CYB5D2: variants seen among roughly 807,000 people sequenced by gnomAD.
CYB5D2 encodes the protein neuferricin.
Under a neutral mutation model 22.8 loss-of-function variants are expected in CYB5D2, and 23 were observed. That is an observed-to-expected ratio of 1.01 (90% CI 0.73 to 1.43). The LOEUF is 1.43. CYB5D2 is among the 40% of genes most tolerant of loss of function. CYB5D2 has a pLI of 0.00. For missense variants in CYB5D2, 373 were observed against 357.2 expected (o/e 1.04, Z -0.36); for synonymous variants, 170 against 152.2 (o/e 1.12, Z -0.86).
Position 4,143,844 on chromosome 17 carries a change from G to T in CYB5D2, c.89G>T (p.Gly30Val). The change falls in exon 1 of 4, where the codon GGT becomes GTT. Residue 30 changes from glycine to valine, a missense_variant. Gly to Val is a moderately radical substitution (Grantham distance 109). Coordinates refer to ENST00000301391, the MANE Select transcript of CYB5D2 (RefSeq NM_144611.4). ...VMAARLMGWW[G>V]PRAGFRLFIP... is the part of the protein sequence containing the mutation. The stretch of plus-strand genomic sequence containing the variant: ...GCAGCACGGCTTATGGGCTGGTGGG[G>T]TCCCCGCGCTGGCTTTCGCCTTTTC... 1 of 1,614,142 alleles carries T rather than the reference G, an allele frequency of 6.2e-7. No homozygotes were observed. The highest frequency in any genetic ancestry group is 8.5e-7 in the Non-Finnish European group (1 of 1,180,008).
intron 2 of CYB5D2, chr17:4,150,825 G>T (rs2059049048): frequency 6.6e-6 from 1 of 152,376 alleles, no homozygotes; most frequent in Non-Finnish European, 1.5e-5. Context: ...GATGGAGGTT[G>T]CAGTGACCTG....
intron 2 of CYB5D2, among the ~76,000 whole-genome samples, chr17:4,153,901 G>A (rs1486866519): frequency 1.3e-5 from 2 of 152,152 alleles, no homozygotes; most frequent in Non-Finnish European, 2.9e-5. Flanking sequence ...CTGAACATAC[G>A]CGCCACTAGA....
chr17:4,146,337 C>T (rs932645244), intron 1 of CYB5D2, among the ~76,000 whole-genome samples: 5 of 152,028 alleles, frequency 3.3e-5, no homozygotes, highest in Admixed American at 3.3e-4. Context: ...TCATGTGATC[C>T]ACCTGCCTAG....
chr17:4,146,607 G>A (rs973950617), intron 1 of CYB5D2, among the ~76,000 whole-genome samples: 2 of 151,794 alleles, frequency 1.3e-5, no homozygotes, highest in African/African-American at 4.8e-5. Flanking sequence ...AGCCAGGATG[G>A]TCTCGATCTC....
At position 4,154,658 on chromosome 17, in the gene CYB5D2, C is replaced by T; in HGVS notation, c.392-16C>T. On this transcript the variant is annotated splice_polypyrimidine_tract_variant and intron_variant, in intron 2 of 3. Transcript: ENST00000301391. Reference sequence around the variant, plus strand: ...AGTATTCACTCTCACTCACATCTGCCTTCCTGTCATCACAGGGAGGGTGAC... The same window carrying T: ...AGTATTCACTCTCACTCACATCTGCTTTCCTGTCATCACAGGGAGGGTGAC... The T allele has an allele frequency of 6.2e-7, 1 of 1,611,074 alleles. No individual in the cohort carries two copies. The highest frequency in any genetic ancestry group is 1.1e-5 in the South Asian group (1 of 90,760).
intron 1 of CYB5D2, among the ~76,000 whole-genome samples, chr17:4,144,408 C>T (rs767798414): frequency 6.6e-6 from 1 of 152,046 alleles, no homozygotes; most frequent in Admixed American, 6.6e-5. Context: ...TTCATTATGC[C>T]CTGGTCCCAA....
intron 1 of CYB5D2, 147 bp downstream of exon 1, chr17:4,144,152 C>G (rs758228174): frequency 8.7e-6 from 10 of 1,146,046 alleles, no homozygotes; most frequent in Non-Finnish European, 1.2e-5. Context: ...GGACGAGCTG[C>G]ATGCACTATC....
intron 1 of CYB5D2, among the ~76,000 whole-genome samples, chr17:4,148,977 G>A (rs1247538493): frequency 1.3e-5 from 2 of 151,754 alleles, no homozygotes; most frequent in Non-Finnish European, 1.5e-5. Flanking sequence ...AAGAGAGATG[G>A]GGTCTCACCC....
At chr17:4,144,100 C>T (rs2058944260) in intron 1 of CYB5D2, 95 bp downstream of exon 1, 5 of 1,472,046 alleles carry the variant, frequency 3.4e-6, no homozygotes, top group South Asian at 2.7e-5. Context: ...CTATTTCCCC[C>T]CCCATCCCCA....
chr17:4,148,377 C>T lies in CYB5D2; in HGVS notation c.251-1514C>T, dbSNP rs574126050. On this transcript the variant is annotated intron_variant, in intron 1 of 3. Coordinates refer to ENST00000301391, the MANE Select transcript of CYB5D2 (RefSeq NM_144611.4). ...GCTAAAAATACAAAAATTAGCTGGA[C>T]GTGGTGGCGGGCACCTGTAGTCCCA... Among the ~76,000 whole-genome samples the T allele has an allele frequency of 1.2e-3, 175 of 152,152 alleles. 2 individuals carry two copies. The highest frequency in any genetic ancestry group is 0.011 in the Admixed American group (174 of 15,298).
rs1446285735 is a variant in CYB5D2 at position 4,143,720 on chromosome 17, C to T, written c.-36C>T. ...CCATCTTAGCTGTAGATAGAGGCGG[C>T]AACCTCGGAAGTGCGGAGCGGGTGG... On this transcript the variant is annotated 5_prime_UTR_variant, in exon 1 of 4. Transcript: ENST00000301391. 1.3e-6 allele frequency: 2 copies of T among 1,574,842 alleles called. No individual in the cohort carries two copies. The highest frequency in any genetic ancestry group is 8.6e-7 in the Non-Finnish European group (1 of 1,157,086).
intron 1 of CYB5D2, among the ~76,000 whole-genome samples, chr17:4,146,115 C>A (rs1019098644): frequency 6.6e-6 from 1 of 151,796 alleles, no homozygotes; most frequent in Non-Finnish European, 1.5e-5. Flanking sequence ...TTTTATTTTT[C>A]GAGATAAACT....
chr17:4,150,419 A>G, intron 2 of CYB5D2, among the ~76,000 whole-genome samples: 1 of 152,134 alleles, frequency 6.6e-6, no homozygotes, highest in East Asian at 1.9e-4. Flanking sequence ...ATCCCCTTTT[A>G]TTTGGTCCTC....
chr17:4,154,543 G>T, intron 2 of CYB5D2, 131 bp from the exon 3 acceptor site: 1 of 1,020,438 alleles, frequency 9.8e-7, no homozygotes, highest in Non-Finnish European at 1.4e-6. Context: ...AGGAGTGCCT[G>T]CAGTAGAAGT....
chr17:4,157,439 T>C lies in CYB5D2; in HGVS notation c.*357T>C, dbSNP rs188179717. Reference sequence around the variant, plus strand: ...GTTGATTACAGCTGGGCCAATACAGTACGAGGCAATAACAAATTAGTGTGG... The same window carrying C: ...GTTGATTACAGCTGGGCCAATACAGCACGAGGCAATAACAAATTAGTGTGG... On this transcript the variant is annotated 3_prime_UTR_variant, in exon 4 of 4. Transcript: ENST00000301391. The surrounding 1 kb of genome is among the most constrained non-coding windows in gnomAD (Gnocchi z 4.4). The C allele has an allele frequency of 7.6e-5, 23 of 301,934 alleles. No individual in the cohort carries two copies. In the Admixed American group the frequency reaches 1.0e-3, roughly 13 times the overall value. 18.7% of individuals were successfully genotyped at this position (301,934 alleles called of 1,614,324 possible).
chr17:4,144,523 C>T (rs750390653), intron 1 of CYB5D2, among the ~76,000 whole-genome samples: 2 of 152,066 alleles, frequency 1.3e-5, no homozygotes, highest in Admixed American at 1.3e-4. Context: ...TCATATAGTA[C>T]ATTTGGTCTG....
At position 4,150,038 on chromosome 17, in the gene CYB5D2, C is replaced by T. The variant is rs375882168; in HGVS notation, c.391+7C>T. 6.8e-6 allele frequency: 11 copies of T among 1,613,502 alleles called. No homozygotes were observed. The highest frequency in any genetic ancestry group is 6.7e-5 in the African/African-American group (5 of 74,892). ...AAGAATTATGTGTGTGTTGGTAAGT[C>T]GTCCATAGGTCATACATTTCATTTG... On this transcript the variant is annotated splice_region_variant and intron_variant, in intron 2 of 3. Transcript: ENST00000301391.
chr17:4,143,761 G>A lies in CYB5D2; in HGVS notation c.6G>A (p.Leu2=). 6.2e-7 allele frequency: 1 copy of A among 1,613,418 alleles called. No homozygotes were observed. Among genetic ancestry groups the A allele is most frequent in the Non-Finnish European group, 8.5e-7 (1 of 1,179,792 alleles). M[L]RCGGRGLLLG... ...GAGCGGGTGGGCCTATATAGATGTTGAGGTGCGGAGGCCGTGGGCTTTTGT... is the reference window on the plus strand; with the variant it reads ...GAGCGGGTGGGCCTATATAGATGTTAAGGTGCGGAGGCCGTGGGCTTTTGT... The change falls in exon 1 of 4, where the codon TTG becomes TTA. Residue 2 remains leucine, a synonymous_variant. Coordinates refer to ENST00000301391, the MANE Select transcript of CYB5D2 (RefSeq NM_144611.4).
chr17:4,151,209 G>A (rs962993248), intron 2 of CYB5D2, among the ~76,000 whole-genome samples: 2 of 151,920 alleles, frequency 1.3e-5, no homozygotes, highest in African/African-American at 2.4e-5. Context: ...TCTGCAGCAC[G>A]CCTTTCTTCA....
Sources: allele counts gnomAD v4.1 joint callset (sites outside exome capture counted in the v4.1 genomes callset), GRCh38; gene constraint gnomAD v4.1.1; non-coding constraint Gnocchi (gnomAD v3.1); transcripts MANE v1.5; gene names NCBI Gene and HGNC (gene_info 2026-07-23, HGNC 2026-07-21).